BMPR1B: variants seen among roughly 807,000 people sequenced by gnomAD.
The protein encoded by BMPR1B is bone morphogenetic protein receptor type-1B.
A neutral mutation model predicts 59.1 loss-of-function variants in BMPR1B; 12 were observed. The observed-to-expected ratio is 0.20, with a 90% CI of 0.13 to 0.33. The LOEUF is 0.33. BMPR1B is among the 10% of genes least tolerant of loss of function. The pLI is 1.00. For missense variants in BMPR1B, 550 were observed against 610.9 expected (o/e 0.90, Z 1.05); for synonymous variants, 237 against 207.3 (o/e 1.14, Z -1.23).
At chr4:94,884,524 T>C (rs544651710) in intron 2 of BMPR1B, among the ~76,000 whole-genome samples, 2 of 150,276 alleles carry the variant, frequency 1.3e-5, no homozygotes, top group South Asian at 2.1e-4. Context: ...AGACTCTGTC[T>C]CAAAAAAAAC....
chr4:95,143,752 T>A (rs555834512), intron 10 of BMPR1B, among the ~76,000 whole-genome samples: 1 of 152,308 alleles, frequency 6.6e-6, no homozygotes, highest in Admixed American at 6.5e-5. Flanking sequence ...ATGCAGACAT[T>A]AACCTCATTC....
At chr4:94,911,600 T>C (rs1270760777) in intron 2 of BMPR1B, among the ~76,000 whole-genome samples, 2 of 152,164 alleles carry the variant, frequency 1.3e-5, no homozygotes, top group East Asian at 3.9e-4. Context: ...CCTCATGATA[T>C]GTTCCAAATC....
rs777090714 is a variant in BMPR1B, at chr4:95,131,168, G to C, written c.779-47G>C. ...ATGTTTGAGAATATGAATTATTCCT[G>C]ATACTATTTGGAAAACACTAAACCT... is the stretch of plus-strand genomic sequence containing the variant. On this transcript the variant is annotated intron_variant, in intron 9 of 12. Coordinates refer to ENST00000515059, the MANE Select transcript of BMPR1B (RefSeq NM_001203.3). 5.2e-6 allele frequency: 8 copies of C among 1,544,390 alleles called. No homozygotes were observed. In the South Asian group the frequency reaches 9.1e-5, roughly 18 times the overall value.
chr4:94,798,562 G>A (rs1443146699), intron 1 of BMPR1B, among the ~76,000 whole-genome samples: 1 of 152,092 alleles, frequency 6.6e-6, no homozygotes, highest in Non-Finnish European at 1.5e-5. Flanking sequence ...TTGCTCCCAC[G>A]GACGTTTACT....
intron 2 of BMPR1B, among the ~76,000 whole-genome samples, chr4:94,935,432 CGTT>C (rs879486973): frequency 1.3e-5 from 2 of 152,108 alleles, no homozygotes; most frequent in Non-Finnish European, 2.9e-5. Context: ...TTCTAGGCAC[CGTT>C]GATAAAGTGG....
intron 2 of BMPR1B, among the ~76,000 whole-genome samples, chr4:94,963,297 T>G (rs1383548645): frequency 6.6e-6 from 1 of 152,190 alleles, no homozygotes; most frequent in South Asian, 2.1e-4. Context: ...GTAGGATAGC[T>G]CTCCACTTTG....
intron 3 of BMPR1B, among the ~76,000 whole-genome samples, chr4:95,088,445 A>G (rs1729749985): frequency 6.6e-6 from 1 of 152,134 alleles, no homozygotes; most frequent in South Asian, 2.1e-4. Context: ...TGTCCTTATC[A>G]TGATTTTAGC....
intron 2 of BMPR1B, among the ~76,000 whole-genome samples, chr4:94,952,695 T>C (rs1021582996): frequency 3.9e-5 from 6 of 152,196 alleles, no homozygotes; most frequent in Non-Finnish European, 7.3e-5. Context: ...TGGTTGGTTT[T>C]AGAGTAAGTG....
intron 2 of BMPR1B, among the ~76,000 whole-genome samples, chr4:94,912,159 A>G (rs1728299474): frequency 6.6e-6 from 1 of 152,098 alleles, no homozygotes; most frequent in Non-Finnish European, 1.5e-5. Flanking sequence ...AGTATGGGGG[A>G]AAGCACCCCC....
chr4:95,050,107 C>T (rs149147905), intron 3 of BMPR1B, among the ~76,000 whole-genome samples: 1,899 of 152,164 alleles, frequency 0.012, 12 homozygotes, highest in Non-Finnish European at 0.019. Flanking sequence ...TGGCTCTGAG[C>T]CCAACATAGA....
chr4:95,124,439 T>C (rs1732758685), intron 7 of BMPR1B, among the ~76,000 whole-genome samples: 1 of 152,090 alleles, frequency 6.6e-6, no homozygotes, highest in Admixed American at 6.6e-5. Flanking sequence ...TTGATTAATT[T>C]ATTACTCATT....
intron 2 of BMPR1B, among the ~76,000 whole-genome samples, chr4:94,960,925 A>G: frequency 7.0e-6 from 1 of 142,880 alleles, no homozygotes; most frequent in East Asian, 1.9e-4. Context: ...TGCTTGCTGG[A>G]ATGCTCATTT....
chr4:94,826,258 T>C (rs545871324), intron 1 of BMPR1B, among the ~76,000 whole-genome samples: 1 of 152,310 alleles, frequency 6.6e-6, no homozygotes, highest in Admixed American at 6.5e-5. Flanking sequence ...TCGGTAGAGT[T>C]GATAACTGGT....
chr4:95,105,024 G>A (rs1013277359), intron 4 of BMPR1B, among the ~76,000 whole-genome samples: 3 of 152,126 alleles, frequency 2.0e-5, no homozygotes, highest in African/African-American at 7.2e-5. Context: ...AAGCAGTGCA[G>A]TGGTAGAGCT....
chr4:95,124,939 T>C (rs1287589007), intron 7 of BMPR1B, 44 bp from the exon 8 acceptor site: 1 of 1,573,504 alleles, frequency 6.4e-7, no homozygotes, highest in Non-Finnish European at 8.7e-7. Flanking sequence ...TACTCCATCA[T>C]TGCATTTCAT....
chr4:94,847,229 A>G (rs901861543), intron 1 of BMPR1B, among the ~76,000 whole-genome samples: 3 of 152,224 alleles, frequency 2.0e-5, no homozygotes, highest in Admixed American at 2.0e-4. Context: ...TAAAACTACA[A>G]TGAGATATAA....
chr4:95,144,001 ATTT>A (rs80236648), intron 10 of BMPR1B, among the ~76,000 whole-genome samples: 3 of 143,442 alleles, frequency 2.1e-5, no homozygotes, highest in Admixed American at 1.4e-4. Context: ...ATTTCTCCCA[ATTT>A]TTTTTTTTTT....
intron 2 of BMPR1B, among the ~76,000 whole-genome samples, chr4:94,993,465 A>T (rs1219124533): frequency 1.3e-5 from 2 of 152,068 alleles, no homozygotes; most frequent in Non-Finnish European, 2.9e-5. Flanking sequence ...TTTGTATTGC[A>T]GTATGACAGG....
chr4:94,832,195 C>T (rs922795662), intron 1 of BMPR1B, among the ~76,000 whole-genome samples: 2 of 152,078 alleles, frequency 1.3e-5, no homozygotes, highest in South Asian at 2.1e-4. Flanking sequence ...GGTTGAGAAC[C>T]GCTGGCCTAC....
Sources: allele counts gnomAD v4.1 joint callset (sites outside exome capture counted in the v4.1 genomes callset), GRCh38; gene constraint gnomAD v4.1.1; transcripts MANE v1.5; gene names NCBI Gene and HGNC (gene_info 2026-07-23, HGNC 2026-07-21).